The following SCEL variants were observed in gnomAD, a reference collection of about 807,000 sequenced individuals.
The protein encoded by SCEL is sciellin.
SCEL carries 113 observed loss-of-function variants against 117.6 expected under a neutral mutation model. The ratio of observed to expected loss-of-function variants is 0.96; its 90% confidence interval spans 0.83 to 1.12. The LOEUF (loss-of-function observed/expected upper bound fraction) is 1.12, where lower values mean the gene tolerates loss of function less well. Ranked by LOEUF, SCEL falls within the 50% of genes most tolerant of loss-of-function variation. The probability of loss-of-function intolerance (pLI) is 0.00; values close to 1 mark genes in which losing one functional copy is unlikely to be tolerated. For missense variants in SCEL, 785 were observed against 810.8 expected (o/e 0.97, Z 0.39); for synonymous variants, 270 against 256.2 (o/e 1.05, Z -0.51).
At chr13:77,539,850 T>A (rs775655136) in intron 1 of SCEL, among the ~76,000 whole-genome samples, 13 of 152,082 alleles carry the variant, frequency 8.5e-5, no homozygotes, top group Non-Finnish European at 1.5e-4. Context: ...TAGACAATAA[T>A]TTTAAAGTTA....
chr13:77,572,105 C>A lies in SCEL; in HGVS notation c.480-19C>A. On this transcript the variant is annotated intron_variant, in intron 8 of 32. Coordinates refer to ENST00000349847, the MANE Select transcript of SCEL (RefSeq NM_144777.3). The stretch of plus-strand genomic sequence containing the variant: ...AGCCTTTCAATCACAATGTTTATTA[C>A]CGTGTCATTTCTTAACAGGCAGTCC... The A allele has an allele frequency of 6.2e-7, 1 of 1,605,422 alleles. No individual in the cohort carries two copies. Among genetic ancestry groups the A allele is most frequent in the Non-Finnish European group, 8.5e-7 (1 of 1,172,458 alleles).
intron 27 of SCEL, among the ~76,000 whole-genome samples, chr13:77,623,951 AT>A (rs2089572331): frequency 6.6e-6 from 1 of 152,054 alleles, no homozygotes; most frequent in African/African-American, 2.4e-5. Flanking sequence ...AAAGACAAAT[AT>A]TTGTTGTTTC....
chr13:77,633,958 T>A (rs1038046190), intron 28 of SCEL, among the ~76,000 whole-genome samples: 4 of 152,206 alleles, frequency 2.6e-5, no homozygotes, highest in African/African-American at 9.6e-5. Context: ...TTTAGGTAGA[T>A]CTAAAGGCTT....
At chr13:77,599,209 G>A (rs1567399871) in intron 13 of SCEL, 120 bp from the exon 14 acceptor site, 2 of 673,444 alleles carry the variant, frequency 3.0e-6, no homozygotes, top group Admixed American at 6.0e-5. Context: ...AAGAATTGTA[G>A]CTCATCTTCC....
intron 7 of SCEL, among the ~76,000 whole-genome samples, 191 bp from the exon 8 acceptor site, chr13:77,569,180 A>G (rs1037467052): frequency 6.6e-5 from 10 of 152,202 alleles, no homozygotes; most frequent in Non-Finnish European, 1.3e-4. Context: ...AGCTAGTTCT[A>G]TGAGAACCTG....
rs2087477941 is a variant in SCEL, at chr13:77,599,335, A to G, written c.804A>G (p.Gln268=). 1.9e-6 allele frequency: 3 copies of G among 1,610,712 alleles called. No homozygotes were observed. In the African/African-American group the frequency reaches 4.0e-5, roughly 22 times the overall value. ...IKMNKSLNRN[Q]GLDSLFRANP... is the part of the protein sequence containing the mutation. ...TAAATCAATACATTTAAAGGAATCAAGGTCTTGATAGTCTCTTCAGAGCAA... is the reference window on the plus strand; with the variant it reads ...TAAATCAATACATTTAAAGGAATCAGGGTCTTGATAGTCTCTTCAGAGCAA... The change falls in exon 14 of 33, where the codon CAA becomes CAG. Residue 268 remains glutamine, a synonymous_variant. Transcript: ENST00000349847.
chr13:77,636,676 A>G (rs2090292961), intron 29 of SCEL, among the ~76,000 whole-genome samples: 1 of 152,236 alleles, frequency 6.6e-6, no homozygotes. Flanking sequence ...GATATATTCA[A>G]GTAAAAATAA....
At chr13:77,643,665 G>A (rs2090665566) in intron 32 of SCEL, among the ~76,000 whole-genome samples, 2 of 152,090 alleles carry the variant, frequency 1.3e-5, no homozygotes, top group South Asian at 4.1e-4. Context: ...AATGACAAAT[G>A]TGTGATATTA....
intron 3 of SCEL, among the ~76,000 whole-genome samples, chr13:77,558,703 C>A (rs1194770959): frequency 2.6e-5 from 4 of 151,130 alleles, no homozygotes; most frequent in South Asian, 4.2e-4. Context: ...ATAATCCCAG[C>A]TACTCAGGAG....
intron 19 of SCEL, 80 bp downstream of exon 19, chr13:77,604,495 C>A: frequency 8.5e-7 from 1 of 1,175,698 alleles, no homozygotes; most frequent in Non-Finnish European, 1.2e-6. Flanking sequence ...GTATTCAGGA[C>A]AGTAAATTGG....
intron 24 of SCEL, among the ~76,000 whole-genome samples, chr13:77,615,466 A>G (rs1230395289): frequency 2.6e-5 from 4 of 152,154 alleles, no homozygotes. Context: ...TCACAGGGTT[A>G]CTTGAAAGAA....
At chr13:77,596,587 C>G (rs1237260408) in intron 12 of SCEL, among the ~76,000 whole-genome samples, 1 of 151,978 alleles carries the variant, frequency 6.6e-6, no homozygotes, top group Non-Finnish European at 1.5e-5. Flanking sequence ...GTGATGAGTC[C>G]TGGATCGTAC....
intron 30 of SCEL, among the ~76,000 whole-genome samples, chr13:77,637,705 A>C (rs1421535588): frequency 1.3e-5 from 2 of 152,112 alleles, no homozygotes; most frequent in African/African-American, 4.8e-5. Context: ...CATTGCATCC[A>C]TAGACTGTGC....
At chr13:77,621,781 AACAAGAT>A (rs1411407851) in intron 27 of SCEL, among the ~76,000 whole-genome samples, 1 of 152,194 alleles carries the variant, frequency 6.6e-6, no homozygotes, top group Non-Finnish European at 1.5e-5. Flanking sequence ...CTATGAGTGA[AACAAGAT>A]GAAAAGAATC....
chr13:77,602,131 C>A lies in SCEL; in HGVS notation c.977+7C>A. On this transcript the variant is annotated splice_region_variant and intron_variant, in intron 16 of 32. Transcript: ENST00000349847. Reference sequence around the variant, plus strand: ...CTGACAAAAATGAGAAAGGGTAAGTCAATCTCCTACCTTGATGGAGCTCTT... The same window carrying A: ...CTGACAAAAATGAGAAAGGGTAAGTAAATCTCCTACCTTGATGGAGCTCTT... 6 of 1,607,736 alleles carry A rather than the reference C, an allele frequency of 3.7e-6. No homozygotes were observed. In the South Asian group the frequency reaches 6.7e-5, roughly 18 times the overall value.
intron 15 of SCEL, among the ~76,000 whole-genome samples, chr13:77,600,858 G>A (rs921040080): frequency 3.3e-5 from 5 of 152,212 alleles, no homozygotes; most frequent in Admixed American, 6.5e-5. Flanking sequence ...TATTTCTATT[G>A]TCACAGTTAT....
intron 27 of SCEL, among the ~76,000 whole-genome samples, chr13:77,618,532 A>G (rs553547505): frequency 6.6e-6 from 1 of 151,414 alleles, no homozygotes; most frequent in South Asian, 2.1e-4. Flanking sequence ...CTTTCTTTTG[A>G]AGGCTTTTAG....
At position 77,609,074 on chromosome 13, in the gene SCEL, A is replaced by G; in HGVS notation, c.1234A>G (p.Asn412Asp). 6.3e-7 allele frequency: 1 copy of G among 1,593,874 alleles called. No homozygotes were observed. Among genetic ancestry groups the G allele is most frequent in the Non-Finnish European group, 8.5e-7 (1 of 1,174,672 alleles). ...TGTTTGAAGTTCCAAAGACCTTAAT[A>G]ACTTCATCAAAGTGTATCCAGGAAC... is the stretch of plus-strand genomic sequence containing the variant. ...RSNQGSKDLN[N>D]FIKVYPGTEK... The change falls in exon 21 of 33, where the codon AAC (asparagine) becomes GAC (aspartate). Residue 412 changes from asparagine (N) to aspartate (D), a missense_variant. Asn to Asp is a conservative substitution (Grantham distance 23, BLOSUM62 1). Coordinates refer to ENST00000349847, the MANE Select transcript of SCEL (RefSeq NM_144777.3).
At chr13:77,552,131 T>C (rs2084367511) in intron 1 of SCEL, among the ~76,000 whole-genome samples, 1 of 152,140 alleles carries the variant, frequency 6.6e-6, no homozygotes, top group East Asian at 1.9e-4. Context: ...TCTTTGTTAT[T>C]GTGAACAGTG....
Sources: gnomAD v4.1 joint callset for allele counts (sites outside exome capture counted in the v4.1 genomes callset) on GRCh38, gnomAD v4.1.1 for gene constraint, MANE v1.5 for transcripts, NCBI Gene and HGNC (gene_info 2026-07-23, HGNC 2026-07-21) for gene names.